The following GRK5 variants were observed in gnomAD, a reference collection of about 807,000 sequenced individuals.
The protein encoded by GRK5 is G protein-coupled receptor kinase 5.
A neutral mutation model predicts 78.4 loss-of-function variants in GRK5; 40 were observed. The ratio of observed to expected loss-of-function variants is 0.51; its 90% CI spans 0.40 to 0.66. The LOEUF is 0.66. Ranked by LOEUF, GRK5 falls within the 30% of genes least tolerant of loss-of-function variation. The pLI is 0.00. For missense variants in GRK5, 598 were observed against 759.9 expected (o/e 0.79, Z 2.50); for synonymous variants, 289 against 296.8 (o/e 0.97, Z 0.27).
chr10:119,260,229 C>T (rs1849352347), intron 1 of GRK5, among the ~76,000 whole-genome samples: 1 of 152,126 alleles, frequency 6.6e-6, no homozygotes. Context: ...TCTCGATCTC[C>T]TGACCTCGTG....
intron 1 of GRK5, among the ~76,000 whole-genome samples, chr10:119,220,144 A>C (rs1189542046): frequency 6.6e-6 from 1 of 152,232 alleles, no homozygotes; most frequent in Non-Finnish European, 1.5e-5. Flanking sequence ...TCCTCTCTGA[A>C]GAGGAAGAGG....
chr10:119,382,891 A>G (rs1435015586), intron 3 of GRK5, among the ~76,000 whole-genome samples: 2 of 151,480 alleles, frequency 1.3e-5, no homozygotes, highest in Non-Finnish European at 2.9e-5. Flanking sequence ...TTATCCCTAA[A>G]TGTCATTTAA....
intron 2 of GRK5, among the ~76,000 whole-genome samples, chr10:119,335,537 G>A (rs1850869475): frequency 6.6e-6 from 1 of 152,074 alleles, no homozygotes; most frequent in Non-Finnish European, 1.5e-5. Flanking sequence ...CTAATTTTGT[G>A]TTTTTAGTAG....
intron 1 of GRK5, among the ~76,000 whole-genome samples, chr10:119,297,168 G>T (rs144774079): frequency 6.6e-6 from 1 of 152,356 alleles, no homozygotes; most frequent in African/African-American, 2.4e-5. Context: ...CTGCCATGGG[G>T]TTGGTTTGGA....
At chr10:119,280,920 C>T (rs7900201) in intron 1 of GRK5, among the ~76,000 whole-genome samples, 53,156 of 151,672 alleles carry the variant, frequency 0.35, 9,666 homozygotes, top group East Asian at 0.67. Flanking sequence ...GCTGGGATTA[C>T]AGGCGTGCGC....
intron 3 of GRK5, among the ~76,000 whole-genome samples, chr10:119,387,301 G>C (rs1851816255): frequency 6.6e-6 from 1 of 152,176 alleles, no homozygotes; most frequent in Non-Finnish European, 1.5e-5. Context: ...ACCGTGCCCG[G>C]CCTTCTGTGC....
chr10:119,367,571 T>C (rs1452029865), intron 2 of GRK5, among the ~76,000 whole-genome samples: 2 of 152,184 alleles, frequency 1.3e-5, no homozygotes, highest in African/African-American at 4.8e-5. Context: ...TATCTAAGAC[T>C]CTAAGAGCAC....
At chr10:119,426,521 A>G (rs1852679632) in intron 6 of GRK5, among the ~76,000 whole-genome samples, 1 of 152,226 alleles carries the variant, frequency 6.6e-6, no homozygotes, top group African/African-American at 2.4e-5. Context: ...TCATTTGTAA[A>G]ATGTGGATGA....
intron 2 of GRK5, among the ~76,000 whole-genome samples, chr10:119,334,127 G>A (rs1444456554): frequency 6.6e-6 from 1 of 152,140 alleles, no homozygotes; most frequent in Non-Finnish European, 1.5e-5. Flanking sequence ...CAGGTGCAGC[G>A]GTGCAGGCCT....
chr10:119,418,950 A>G (rs1852517001), intron 4 of GRK5, among the ~76,000 whole-genome samples: 1 of 152,106 alleles, frequency 6.6e-6, no homozygotes, highest in Non-Finnish European at 1.5e-5. Context: ...GGCATCTTTG[A>G]TGGGGGAAGC....
intron 1 of GRK5, among the ~76,000 whole-genome samples, chr10:119,239,704 C>T (rs1848990796): frequency 6.6e-6 from 1 of 151,948 alleles, no homozygotes; most frequent in Non-Finnish European, 1.5e-5. Context: ...CTAATAAGCC[C>T]CGGTGTGTGA....
intron 8 of GRK5, among the ~76,000 whole-genome samples, chr10:119,432,510 CAGA>C (rs1852839755): frequency 6.6e-6 from 1 of 152,208 alleles, no homozygotes; most frequent in Non-Finnish European, 1.5e-5. Flanking sequence ...TTAAACAGCA[CAGA>C]AGGATACACA....
intron 4 of GRK5, among the ~76,000 whole-genome samples, chr10:119,404,612 A>C (rs143589711): frequency 1.7e-3 from 262 of 152,298 alleles, no homozygotes; most frequent in African/African-American, 6.0e-3. Flanking sequence ...TTTTGAAGGG[A>C]AAGGGTGTGT....
At chr10:119,276,278 C>A (rs1280486859) in intron 1 of GRK5, among the ~76,000 whole-genome samples, 1 of 152,004 alleles carries the variant, frequency 6.6e-6, no homozygotes, top group Admixed American at 6.6e-5. Flanking sequence ...TCCTCCCACC[C>A]CACAACAGTC....
intron 1 of GRK5, among the ~76,000 whole-genome samples, chr10:119,286,401 GT>G (rs1214408409): frequency 6.6e-6 from 1 of 152,134 alleles, no homozygotes; most frequent in Admixed American, 6.5e-5. Flanking sequence ...TGTATGTTAG[GT>G]TTTTTTGACT....
intron 1 of GRK5, among the ~76,000 whole-genome samples, chr10:119,251,490 G>A (rs1048297759): frequency 1.3e-5 from 2 of 152,168 alleles, no homozygotes; most frequent in Admixed American, 6.5e-5. Flanking sequence ...CTTCCTCTCC[G>A]CAGCTTCAGT....
At chr10:119,440,712 G>A (rs754585008) in intron 10 of GRK5, among the ~76,000 whole-genome samples, 9 of 152,046 alleles carry the variant, frequency 5.9e-5, no homozygotes, top group South Asian at 4.1e-4. Context: ...CACCACGCCC[G>A]GCTAATTTTT....
chr10:119,313,083 G>GTAATGATGA (rs1850407611), intron 1 of GRK5, among the ~76,000 whole-genome samples: 1 of 146,916 alleles, frequency 6.8e-6, no homozygotes, highest in African/African-American at 2.5e-5. Context: ...GGTGGTGGTG[G>GTAATGATGA]TGGTGATGGT....
intron 1 of GRK5, 61 bp downstream of exon 1, chr10:119,208,030 G>T (rs1302782770): frequency 6.6e-7 from 1 of 1,516,656 alleles, no homozygotes; most frequent in Non-Finnish European, 9.0e-7. Context: ...GCGGGTGTCG[G>T]GTGGCGTGCG....
Sources: gnomAD v4.1 joint callset for allele counts (sites outside exome capture counted in the v4.1 genomes callset) on GRCh38, gnomAD v4.1.1 for gene constraint, MANE v1.5 for transcripts, NCBI Gene and HGNC (gene_info 2026-07-23, HGNC 2026-07-21) for gene names.